The following FREM3 variants were observed in gnomAD, a reference collection of about 807,000 sequenced individuals.
The protein encoded by FREM3 is FRAS1 related extracellular matrix 3.
Under a neutral mutation model 129.1 loss-of-function variants are expected in FREM3, and 105 were observed. The ratio of observed to expected loss-of-function variants is 0.81; its 90% CI spans 0.69 to 0.96. The LOEUF (loss-of-function observed/expected upper bound fraction) is 0.96. Ranked by LOEUF, FREM3 falls within the 40% of genes least tolerant of loss-of-function variation. FREM3 has a pLI of 0.00. For missense variants in FREM3, 2,593 were observed against 2,666.3 expected (o/e 0.97, Z 0.61); for synonymous variants, 1,014 against 1,044.9 (o/e 0.97, Z 0.57).
At chr4:143,607,821 A>C (rs917765902) in intron 6 of FREM3, among the ~76,000 whole-genome samples, 1 of 152,142 alleles carries the variant, frequency 6.6e-6, no homozygotes, top group Non-Finnish European at 1.5e-5. Context: ...AAACAACATA[A>C]ATTTATTCCA....
intron 6 of FREM3, among the ~76,000 whole-genome samples, chr4:143,597,959 C>T (rs1367028254): frequency 6.6e-6 from 1 of 152,188 alleles, no homozygotes; most frequent in Non-Finnish European, 1.5e-5. Context: ...GGTCCACCTT[C>T]TAGTTCATAG....
intron 6 of FREM3, among the ~76,000 whole-genome samples, chr4:143,604,494 C>T (rs993201343): frequency 3.3e-5 from 5 of 152,062 alleles, no homozygotes; most frequent in Non-Finnish European, 7.3e-5. Flanking sequence ...CAGCTTCTTC[C>T]TTTTAGGTGA....
chr4:143,659,671 T>C (rs1174437100), intron 2 of FREM3, among the ~76,000 whole-genome samples: 14 of 73,612 alleles, frequency 1.9e-4, no homozygotes, highest in Non-Finnish European at 3.9e-4. Flanking sequence ...ACTTCCACAA[T>C]GGTTGAACTA....
intron 6 of FREM3, among the ~76,000 whole-genome samples, chr4:143,592,826 C>A (rs1455962471): frequency 1.7e-4 from 26 of 152,318 alleles, no homozygotes; most frequent in South Asian, 2.1e-4. Flanking sequence ...TAATATCCTG[C>A]AGAGTGTTTT....
At chr4:143,629,292 A>T (rs1483968167) in intron 2 of FREM3, among the ~76,000 whole-genome samples, 1 of 152,198 alleles carries the variant, frequency 6.6e-6, no homozygotes, top group Non-Finnish European at 1.5e-5. Context: ...GCATGGAAAG[A>T]GGGAAGCTGG....
chr4:143,623,974 A>G, intron 4 of FREM3, 134 bp downstream of exon 4: 1 of 609,190 alleles, frequency 1.6e-6, no homozygotes, highest in South Asian at 2.1e-5. Context: ...CTATAAAGTA[A>G]TTTACTTCAC....
intron 6 of FREM3, among the ~76,000 whole-genome samples, chr4:143,592,755 C>G (rs1240927965): frequency 6.6e-6 from 1 of 152,166 alleles, no homozygotes; most frequent in South Asian, 2.1e-4. Flanking sequence ...TTGTGGCATT[C>G]TCTGTATTTC....
intron 2 of FREM3, among the ~76,000 whole-genome samples, chr4:143,674,730 G>T (rs1740074670): frequency 6.6e-6 from 1 of 152,070 alleles, no homozygotes; most frequent in South Asian, 2.1e-4. Context: ...AAAAAAAGCA[G>T]GGGTTGCAAT....
chr4:143,600,489 T>C (rs987972704), intron 6 of FREM3, among the ~76,000 whole-genome samples: 9 of 152,072 alleles, frequency 5.9e-5, no homozygotes, highest in South Asian at 2.1e-4. Flanking sequence ...AAAAAAGAAA[T>C]GACAAATGCA....
intron 2 of FREM3, among the ~76,000 whole-genome samples, chr4:143,687,169 A>C (rs1237540060): frequency 6.6e-6 from 1 of 152,200 alleles, no homozygotes; most frequent in Non-Finnish European, 1.5e-5. Flanking sequence ...AGGAGATAGT[A>C]CAACTGACAA....
chr4:143,666,379 C>CTT (rs1739860356), intron 2 of FREM3, among the ~76,000 whole-genome samples: 1 of 152,072 alleles, frequency 6.6e-6, no homozygotes. Context: ...AAATTCTACA[C>CTT]TTAGGTATAT....
chr4:143,634,579 A>G (rs1739202333), intron 2 of FREM3, among the ~76,000 whole-genome samples: 1 of 152,040 alleles, frequency 6.6e-6, no homozygotes, highest in Admixed American at 6.6e-5. Flanking sequence ...AAGATGGAGG[A>G]AAGGGCTTCG....
chr4:143,689,371 TAAAA>T (rs1191731198), intron 2 of FREM3, among the ~76,000 whole-genome samples: 1 of 151,566 alleles, frequency 6.6e-6, no homozygotes, highest in Admixed American at 6.6e-5. Flanking sequence ...AAAAAATAAT[TAAAA>T]AAAGCAGTAG....
Position 143,700,129 on chromosome 4 carries a change from T to C in FREM3, c.547A>G (p.Ser183Gly), listed in dbSNP as rs1017725614. 23 of 1,536,928 alleles carry C rather than the reference T, an allele frequency of 1.5e-5. No homozygotes were observed. The African/African-American group carries it at 2.2e-4, about 15-fold the overall frequency. ...CTCCTGTCTATGGCGCGGCTCCAGC[T>C]TCGCAGCTTCTCCACTACCAAAGGC... ...NRPLVVEKLR[S>G]WSRAIDRRVL... Residue 183 changes from serine to glycine, a missense_variant, in exon 1 of 8, where the codon AGC becomes GGC. This residue lies in a region of FREM3 where 2,276 missense variants were observed against 2,267.2 expected (regional missense o/e 1.00). Coordinates refer to ENST00000329798, the MANE Select transcript of FREM3 (RefSeq NM_001168235.2).
chr4:143,635,431 T>C (rs926400996), intron 2 of FREM3, among the ~76,000 whole-genome samples: 2 of 152,194 alleles, frequency 1.3e-5, no homozygotes, highest in East Asian at 3.9e-4. Flanking sequence ...CATTATGGGC[T>C]AGATAATTCC....
chr4:143,698,219 T>C lies in FREM3; in HGVS notation c.2457A>G (p.Thr819=). The C allele has an allele frequency of 6.5e-7, 1 of 1,537,416 alleles. No homozygotes were observed. Among genetic ancestry groups the C allele is most frequent in the Non-Finnish European group, 8.7e-7 (1 of 1,146,932 alleles). Reference sequence around the variant, plus strand: ...GGTTGTCCACAGGTTGCAGGAATAATGTGAATGTGCCTGGCACGCTATTGC... The same window carrying C: ...GGTTGTCCACAGGTTGCAGGAATAACGTGAATGTGCCTGGCACGCTATTGC... ...AAGNSVPGTF[T]LFLQPVDNQP... is the part of the protein sequence containing the mutation. The change falls in exon 1 of 8, where the codon ACA becomes ACG. Residue 819 remains threonine (T), a synonymous_variant. Coordinates refer to ENST00000329798, the MANE Select transcript of FREM3 (RefSeq NM_001168235.2).
intron 5 of FREM3, among the ~76,000 whole-genome samples, chr4:143,612,670 T>C (rs1379784488): frequency 6.6e-6 from 1 of 152,162 alleles, no homozygotes; most frequent in African/African-American, 2.4e-5. Context: ...AAGAGTAGGA[T>C]TGCTAGGTTC....
intron 6 of FREM3, among the ~76,000 whole-genome samples, chr4:143,602,461 G>T (rs1418959650): frequency 6.6e-6 from 1 of 152,084 alleles, no homozygotes; most frequent in East Asian, 1.9e-4. Flanking sequence ...ATATCTGTAG[G>T]GTAGGGACTA....
chr4:143,658,142 T>C (rs930222923), intron 2 of FREM3, among the ~76,000 whole-genome samples: 3 of 152,230 alleles, frequency 2.0e-5, no homozygotes, highest in Admixed American at 6.5e-5. Context: ...GCAAAGCACA[T>C]TGTGAGTACT....
Sources: allele counts gnomAD v4.1 joint callset (sites outside exome capture counted in the v4.1 genomes callset), GRCh38; gene constraint gnomAD v4.1.1; regional missense constraint gnomAD v4.1.1; transcripts MANE v1.5; gene names NCBI Gene and HGNC (gene_info 2026-07-23, HGNC 2026-07-21).